Variants in PTPRD observed in about 807,000 individuals in gnomAD.
PTPRD encodes the protein protein tyrosine phosphatase receptor type D.
In PTPRD, 34 loss-of-function variants were observed where a neutral mutation model predicts 214.5. That is an observed-to-expected ratio of 0.16 (90% CI 0.12 to 0.21). The LOEUF is 0.21. Among genes scored for constraint, PTPRD ranks in the 10% least tolerant of loss-of-function variants. The pLI is 1.00. For synonymous variants in PTPRD, 1,128 were observed against 845.7 expected, an observed-to-expected ratio of 1.33 and a Z score of -5.79; for missense variants, 2,545 against 2,398.7, an observed-to-expected ratio of 1.06 and a Z score of -1.27.
intron 11 of PTPRD, among the ~76,000 whole-genome samples, chr9:9,016,877 C>T (rs1250519682): frequency 2.0e-5 from 3 of 152,040 alleles, no homozygotes; most frequent in Non-Finnish European, 4.4e-5. Flanking sequence ...TCATTTTAAA[C>T]ATGAAAACAT....
chr9:9,098,477 G>C (rs1389069354), intron 10 of PTPRD, among the ~76,000 whole-genome samples: 4 of 152,096 alleles, frequency 2.6e-5, no homozygotes, highest in African/African-American at 9.7e-5. Context: ...TCGAACTCCT[G>C]ACCTCAAATG....
intron 10 of PTPRD, among the ~76,000 whole-genome samples, chr9:9,145,883 G>A (rs1180811426): frequency 3.9e-5 from 6 of 152,160 alleles, no homozygotes; most frequent in African/African-American, 1.2e-4. Flanking sequence ...AAATCACATC[G>A]AAGGAAAGGT....
chr9:9,621,229 C>T (rs2095221802), intron 7 of PTPRD, among the ~76,000 whole-genome samples: 1 of 152,116 alleles, frequency 6.6e-6, no homozygotes, highest in South Asian at 2.1e-4. Flanking sequence ...GACAATATGC[C>T]TATATATTAT....
chr9:10,036,568 AT>A (rs71321217), intron 3 of PTPRD, among the ~76,000 whole-genome samples: 209 of 140,314 alleles, frequency 1.5e-3, no homozygotes, highest in Middle Eastern at 6.8e-3. Context: ...GCACAAATAC[AT>A]TTTTTTTTAT....
At chr9:9,605,189 C>T (rs1399675177) in intron 7 of PTPRD, among the ~76,000 whole-genome samples, 1 of 151,948 alleles carries the variant, frequency 6.6e-6, no homozygotes, top group African/African-American at 2.4e-5. Flanking sequence ...CTGCATTAGA[C>T]AATATTCAAT....
chr9:9,939,932 T>G lies in PTPRD; in HGVS notation c.-471-1322A>C, dbSNP rs928277752. On this transcript the variant is annotated intron_variant, in intron 4 of 45. Coordinates refer to ENST00000381196, the MANE Select transcript of PTPRD (RefSeq NM_002839.4). ...TCCACTTTATCACCTTCATTTCTTC[T>G]GCTACTGCCACAATAAACTTTCATC... 2.6e-5 allele frequency among the ~76,000 whole-genome samples: 4 copies of G among 152,202 alleles called. No individual in the cohort carries two copies. The South Asian group carries it at 6.2e-4, about 24-fold the overall frequency.
intron 5 of PTPRD, among the ~76,000 whole-genome samples, chr9:9,862,629 G>T (rs1464055695): frequency 7.1e-6 from 1 of 140,596 alleles, no homozygotes; most frequent in Non-Finnish European, 1.5e-5. Flanking sequence ...GAGGAGAAAT[G>T]ATTTGTATGT....
At chr9:10,082,742 G>C (rs1396989161) in intron 3 of PTPRD, among the ~76,000 whole-genome samples, 1 of 143,956 alleles carries the variant, frequency 6.9e-6, no homozygotes, top group Non-Finnish European at 1.5e-5. Context: ...AATGATGAGA[G>C]AGAGAGTATT....
At chr9:10,170,948 C>T (rs2099200095) in intron 3 of PTPRD, among the ~76,000 whole-genome samples, 1 of 152,140 alleles carries the variant, frequency 6.6e-6, no homozygotes. Context: ...GTATAATTTT[C>T]ACCAAGTCCT....
chr9:10,539,476 C>T (rs2484745), intron 2 of PTPRD, among the ~76,000 whole-genome samples: 167 of 152,276 alleles, frequency 1.1e-3, no homozygotes, highest in Non-Finnish European at 1.8e-3. Context: ...TGAGCCACCA[C>T]GCCTGGCCTG....
At chr9:9,590,595 A>C (rs752674005) in intron 7 of PTPRD, among the ~76,000 whole-genome samples, 1 of 151,960 alleles carries the variant, frequency 6.6e-6, no homozygotes, top group Non-Finnish European at 1.5e-5. Context: ...TTAAAATAGA[A>C]ATGGCTTCAT....
chr9:8,733,717 C>G (rs2098686441), intron 12 of PTPRD, 63 bp downstream of exon 12: 1 of 1,510,594 alleles, frequency 6.6e-7, no homozygotes, highest in South Asian at 1.2e-5. Context: ...GAGCCTGGTG[C>G]CAACTGCAAA....
intron 2 of PTPRD, among the ~76,000 whole-genome samples, chr9:10,574,121 T>C (rs1172207038): frequency 2.0e-5 from 3 of 152,146 alleles, no homozygotes; most frequent in Non-Finnish European, 1.5e-5. Context: ...ACTCATTCTA[T>C]GTAAGACATC....
At chr9:9,846,220 T>A (rs1364955941) in intron 5 of PTPRD, among the ~76,000 whole-genome samples, 1 of 152,132 alleles carries the variant, frequency 6.6e-6, no homozygotes, top group African/African-American at 2.4e-5. Context: ...AGATTGTAGA[T>A]CTTTACACCT....
intron 11 of PTPRD, among the ~76,000 whole-genome samples, chr9:9,001,304 T>A (rs2099417327): frequency 6.6e-6 from 1 of 152,078 alleles, no homozygotes; most frequent in Admixed American, 6.6e-5. Flanking sequence ...TTGAGCTATC[T>A]GTGCATTTGT....
At chr9:9,783,694 C>A (rs2098886427) in intron 5 of PTPRD, among the ~76,000 whole-genome samples, 1 of 152,020 alleles carries the variant, frequency 6.6e-6, no homozygotes, top group Non-Finnish European at 1.5e-5. Context: ...CTTCTTTTGC[C>A]AGTTCCTCCC....
At chr9:8,884,694 C>A (rs1451934481) in intron 11 of PTPRD, among the ~76,000 whole-genome samples, 1 of 152,176 alleles carries the variant, frequency 6.6e-6, no homozygotes, top group Non-Finnish European at 1.5e-5. Context: ...AAATTGAAAT[C>A]CACAATAGAA....
chr9:8,464,251 A>C (rs1043991931), intron 32 of PTPRD, among the ~76,000 whole-genome samples: 5 of 152,028 alleles, frequency 3.3e-5, no homozygotes, highest in African/African-American at 4.8e-5. Flanking sequence ...GAGCTATTAA[A>C]AGAAATTTCC....
chr9:8,809,257 G>A (rs373023729), intron 11 of PTPRD, among the ~76,000 whole-genome samples: 6 of 152,132 alleles, frequency 3.9e-5, no homozygotes, highest in Admixed American at 1.3e-4. Context: ...CAATACTACC[G>A]TTGTATGTTT....
Sources: allele counts gnomAD v4.1 joint callset (sites outside exome capture counted in the v4.1 genomes callset), GRCh38; gene constraint gnomAD v4.1.1; transcripts MANE v1.5; gene names NCBI Gene and HGNC (gene_info 2026-07-23, HGNC 2026-07-21).